Variants in IPO7 observed in about 807,000 individuals in gnomAD.
IPO7 encodes importin-7.
IPO7 carries 13 observed loss-of-function variants against 136.4 expected under a neutral mutation model. The ratio of observed to expected loss-of-function variants is 0.10; its 90% confidence interval spans 0.06 to 0.15. The LOEUF (loss-of-function observed/expected upper bound fraction) is 0.15. Ranked by LOEUF, IPO7 falls within the 10% of genes least tolerant of loss-of-function variation. IPO7 has a pLI of 1.00. For synonymous variants in IPO7, 403 were observed against 404.4 expected, an observed-to-expected ratio of 1.00 and a Z score of 0.04; for missense variants, 857 against 1,240.6, an observed-to-expected ratio of 0.69 and a Z score of 4.65.
rs896555270 is a variant in IPO7 at position 9,446,671 on chromosome 11, G to A, written c.*1477G>A. The A allele has an allele frequency of 6.6e-6, 1 of 152,138 alleles. No individual in the cohort carries two copies. Among genetic ancestry groups the A allele is most frequent in the Non-Finnish European group, 1.5e-5 (1 of 68,024 alleles). 9.4% of individuals were successfully genotyped at this position (152,138 alleles called of 1,614,324 possible). On this transcript the variant is annotated 3_prime_UTR_variant, in exon 25 of 25. Transcript: ENST00000379719. ...GGATTCAAAACTATTACAAGCTGTTGTCTAAAACAGGTGAGAAAAAAATTT... is the reference window on the plus strand; with the variant it reads ...GGATTCAAAACTATTACAAGCTGTTATCTAAAACAGGTGAGAAAAAAATTT...
At chr11:9,442,025 AG>A in intron 23 of IPO7, 55 bp from the exon 24 acceptor site, 1 of 808,646 alleles carries the variant, frequency 1.2e-6, no homozygotes, top group Non-Finnish European at 2.2e-6. Flanking sequence ...TGTAGAACGG[AG>A]CTACCAAGCC....
chr11:9,384,684 C>T lies in IPO7; in HGVS notation c.-80C>T. The T allele has an allele frequency of 8.5e-7, 1 of 1,176,686 alleles. No individual in the cohort carries two copies. Among genetic ancestry groups the T allele is most frequent in the Non-Finnish European group, 1.2e-6 (1 of 833,694 alleles). The allele number at this position is 1,176,686 out of a possible 1,614,324, so 72.9% of individuals were successfully genotyped here. On this transcript the variant is annotated 5_prime_UTR_variant, in exon 1 of 25. Coordinates refer to ENST00000379719, the MANE Select transcript of IPO7 (RefSeq NM_006391.3). ...CGCCGGTTGCCGCTGCGGAGCGCGG[C>T]GGGTCCATGTGCGCAGTGAGTGGCG...
rs535582251 is a variant in IPO7 at position 9,391,956 on chromosome 11, G to A, written c.84+7109G>A. On this transcript the variant is annotated intron_variant, in intron 1 of 24. Transcript: ENST00000379719. The stretch of plus-strand genomic sequence containing the variant: ...TAAGTTTTTTATTTTTTGTAGAGAC[G>A]AGGTCTGTCTTTGTTGCCCAGCCTT... 3.3e-5 allele frequency among the ~76,000 whole-genome samples: 5 copies of A among 151,870 alleles called. No individual in the cohort carries two copies. In the South Asian group the frequency reaches 6.2e-4, roughly 19 times the overall value.
At chr11:9,415,602 G>C (rs575037475) in intron 5 of IPO7, among the ~76,000 whole-genome samples, 1 of 152,204 alleles carries the variant, frequency 6.6e-6, no homozygotes, top group African/African-American at 2.4e-5. Flanking sequence ...ACTTTGGGAG[G>C]CCGAGGCGGG....
intron 3 of IPO7, among the ~76,000 whole-genome samples, chr11:9,409,008 G>A (rs994870993): frequency 4.9e-4 from 75 of 151,682 alleles, no homozygotes; most frequent in African/African-American, 1.7e-3. Flanking sequence ...CACTGCACCC[G>A]GCTTTTCTGG....
chr11:9,418,970 C>T (rs1055469159), intron 6 of IPO7, among the ~76,000 whole-genome samples: 3 of 152,132 alleles, frequency 2.0e-5, no homozygotes, highest in Admixed American at 1.3e-4. Flanking sequence ...TGAGCGGTAT[C>T]CCATTGTATA....
intron 24 of IPO7, among the ~76,000 whole-genome samples, chr11:9,444,412 G>A (rs1855499663): frequency 6.6e-6 from 1 of 151,240 alleles, no homozygotes; most frequent in Non-Finnish European, 1.5e-5. Context: ...CACCCAGGCT[G>A]GAGTGCAGTG....
intron 1 of IPO7, among the ~76,000 whole-genome samples, chr11:9,395,106 A>G (rs955532152): frequency 7.9e-5 from 12 of 152,202 alleles, no homozygotes; most frequent in Non-Finnish European, 8.8e-5. Flanking sequence ...TAAAAAATCT[A>G]TTGTAGCATC....
intron 22 of IPO7, among the ~76,000 whole-genome samples, chr11:9,440,169 A>T (rs960871408): frequency 6.6e-6 from 1 of 152,212 alleles, no homozygotes; most frequent in Non-Finnish European, 1.5e-5. Flanking sequence ...TTTAAAAAAA[A>T]TCTTACAAAA....
At chr11:9,431,364 A>C (rs1855291730) in intron 16 of IPO7, among the ~76,000 whole-genome samples, 1 of 152,094 alleles carries the variant, frequency 6.6e-6, no homozygotes, top group African/African-American at 2.4e-5. Context: ...ATAGTTCACT[A>C]ATATTAAGTA....
intron 10 of IPO7, 79 bp from the exon 11 acceptor site, chr11:9,424,835 T>C (rs1198579669): frequency 3.1e-5 from 28 of 909,698 alleles, no homozygotes; most frequent in Non-Finnish European, 3.7e-5. Context: ...TCATACCTTA[T>C]GTAAAGATTA....
intron 8 of IPO7, among the ~76,000 whole-genome samples, chr11:9,421,788 C>A (rs1477941101): frequency 6.7e-6 from 1 of 150,228 alleles, no homozygotes; most frequent in African/African-American, 2.5e-5. Context: ...ACTAAAAATT[C>A]AAAAATGTAG....
intron 1 of IPO7, among the ~76,000 whole-genome samples, chr11:9,385,959 A>C (rs1409654656): frequency 1.3e-5 from 2 of 152,230 alleles, no homozygotes; most frequent in Non-Finnish European, 2.9e-5. Context: ...ACTTTAGTGT[A>C]CATTTTTTAA....
intron 16 of IPO7, among the ~76,000 whole-genome samples, chr11:9,432,364 G>C (rs1436248186): frequency 6.6e-6 from 1 of 151,962 alleles, no homozygotes; most frequent in African/African-American, 2.4e-5. Context: ...ACCATGCCCA[G>C]CTAATTTTTC....
intron 21 of IPO7, 46 bp downstream of exon 21, chr11:9,438,020 T>C (rs779571300): frequency 6.5e-7 from 1 of 1,550,130 alleles, no homozygotes; most frequent in Non-Finnish European, 8.7e-7. Context: ...TGGGAGGAAC[T>C]CTGCTTATTT....
chr11:9,413,663 C>G (rs1221777867), intron 4 of IPO7, among the ~76,000 whole-genome samples: 3 of 151,708 alleles, frequency 2.0e-5, no homozygotes, highest in Non-Finnish European at 4.4e-5. Context: ...CTCATGTGGG[C>G]CTTGAAGATT....
intron 1 of IPO7, among the ~76,000 whole-genome samples, chr11:9,394,098 C>G (rs926783611): frequency 2.6e-5 from 4 of 151,680 alleles, no homozygotes; most frequent in Admixed American, 2.0e-4. Flanking sequence ...AGGATGGTCT[C>G]CATCTCTTGA....
intron 16 of IPO7, among the ~76,000 whole-genome samples, chr11:9,432,476 C>T (rs1466668073): frequency 6.6e-6 from 1 of 152,222 alleles, no homozygotes; most frequent in Non-Finnish European, 1.5e-5. Flanking sequence ...GCAGAAATTA[C>T]AGGCGTGAGC....
At chr11:9,437,046 G>A (rs1185812248) in intron 20 of IPO7, among the ~76,000 whole-genome samples, 2 of 149,176 alleles carry the variant, frequency 1.3e-5, no homozygotes, top group African/African-American at 2.5e-5. Context: ...CACCACACCT[G>A]GCTAATTTTT....
Sources: allele counts gnomAD v4.1 joint callset (sites outside exome capture counted in the v4.1 genomes callset), GRCh38; gene constraint gnomAD v4.1.1; transcripts MANE v1.5; gene names NCBI Gene and HGNC (gene_info 2026-07-23, HGNC 2026-07-21).